Variants in IRX1 observed in about 807,000 individuals in gnomAD.
IRX1 encodes the protein iroquois-class homeodomain protein IRX-1.
IRX1 carries 22 observed loss-of-function variants against 34.1 expected under a neutral mutation model. That is an observed-to-expected ratio of 0.64 (90% CI 0.46 to 0.92). The LOEUF is 0.92. IRX1 is among the 40% of genes least tolerant of loss of function. The pLI, the probability that IRX1 is intolerant of heterozygous loss-of-function variation, is 0.00. For synonymous variants in IRX1, 363 were observed against 319.0 expected (o/e 1.14, Z -1.47); for missense variants, 758 against 680.0 (o/e 1.11, Z -1.28).
rs828339 is a variant in IRX1 at position 3,599,135 on chromosome 5, G to A, written c.277-90G>A. 30,693 of 1,362,262 alleles carry A rather than the reference G, an allele frequency of 0.023. 1,652 individuals carry two copies. The highest frequency in any genetic ancestry group is 0.17 in the East Asian group (6,963 of 41,086). 84.4% of individuals were successfully genotyped at this position (1,362,262 alleles called of 1,614,324 possible). On this transcript the variant is annotated intron_variant, in intron 1 of 3. Transcript: ENST00000302006. The surrounding 1 kb of genome is among the most constrained non-coding windows in gnomAD (Gnocchi z 6.6). ...TGAAGCGGCTGCTTCCCACTCTCCCGTCTTGGGGACTCATGTCTCTCTCTC... is the reference window on the plus strand; with the variant it reads ...TGAAGCGGCTGCTTCCCACTCTCCCATCTTGGGGACTCATGTCTCTCTCTC...
chr5:3,600,605 G>C lies in IRX1; in HGVS notation c.1313-4G>C. Reference sequence around the variant, plus strand: ...CTAACTCTGCCTCTTCCGATCTCTCGCAGAGAGAGACCTCGTCCCCAGGCC... The same window carrying C: ...CTAACTCTGCCTCTTCCGATCTCTCCCAGAGAGAGACCTCGTCCCCAGGCC... On this transcript the variant is annotated splice_polypyrimidine_tract_variant and splice_region_variant and intron_variant, in intron 2 of 3. Coordinates refer to ENST00000302006, the MANE Select transcript of IRX1 (RefSeq NM_024337.4). 1 of 1,612,150 alleles carries C rather than the reference G, an allele frequency of 6.2e-7. No homozygotes were observed. The highest frequency in any genetic ancestry group is 8.5e-7 in the Non-Finnish European group (1 of 1,178,558).
chr5:3,598,031 G>C (rs1733833826), intron 1 of IRX1, among the ~76,000 whole-genome samples: 1 of 152,098 alleles, frequency 6.6e-6, no homozygotes, highest in Non-Finnish European at 1.5e-5. Flanking sequence ...CCCACCTAGA[G>C]GGATAATATG....
Position 3,596,643 on chromosome 5 carries a change from G to A in IRX1, c.276+262G>A, listed in dbSNP as rs75780980. ...AGGGAGCGGGTAGCGAGTGAATTCA[G>A]AGAGGCCGCAGAAGCAGGCCCGTGG... On this transcript the variant is annotated intron_variant, in intron 1 of 3. Transcript: ENST00000302006. Among the ~76,000 whole-genome samples the A allele has an allele frequency of 1.5e-4, 23 of 152,058 alleles. 1 individual carries two copies. The East Asian group carries it at 4.3e-3, about 28-fold the overall frequency.
Position 3,596,365 on chromosome 5 carries a change from G to A in IRX1, c.260G>A (p.Ser87Asn). The A allele has an allele frequency of 6.5e-7, 1 of 1,538,416 alleles. No homozygotes were observed. The highest frequency in any genetic ancestry group is 8.7e-7 in the Non-Finnish European group (1 of 1,146,852). Residue 87 changes from serine to asparagine, a missense_variant, in exon 1 of 4, where the codon AGC becomes AAC. Ser to Asn is a conservative substitution (Grantham distance 46). This residue lies in a region of IRX1 where 195 missense variants were observed against 195.0 expected (regional missense o/e 1.00). Coordinates refer to ENST00000302006, the MANE Select transcript of IRX1 (RefSeq NM_024337.4). ...TTCCTGCCCTACGCCGCGGATCTCAGCCTCTTCTCGCAGATGGTGAGTGCG... is the reference window on the plus strand; with the variant it reads ...TTCCTGCCCTACGCCGCGGATCTCAACCTCTTCTCGCAGATGGTGAGTGCG... ...SAFLPYAADL[S>N]LFSQMGSQYE...
chr5:3,600,793 T>G (rs1051191456), intron 3 of IRX1, 112 bp downstream of exon 3: 1 of 1,176,218 alleles, frequency 8.5e-7, no homozygotes, highest in East Asian at 2.5e-5. Flanking sequence ...GCAGTCCTAG[T>G]TGAAGGAGCG....
rs1733879117 is a variant in IRX1, at chr5:3,599,235, A to G, written c.287A>G (p.Tyr96Cys). The G allele has an allele frequency of 6.2e-7, 1 of 1,612,658 alleles. No homozygotes were observed. The highest frequency in any genetic ancestry group is 8.5e-7 in the Non-Finnish European group (1 of 1,179,284). ...LSLFSQMGSQ[Y>C]ELKDNPGVHP... is the part of the protein sequence containing the mutation. ...GCCCTGTGGCTTCAGGGCTCGCAGT[A>G]TGAACTGAAGGACAACCCTGGGGTG... The change falls in exon 2 of 4, where the codon TAT becomes TGT. Residue 96 changes from tyrosine (Y) to cysteine (C), a missense_variant. By Grantham distance (194) the Tyr-to-Cys change is radical (BLOSUM62 -2). Around this residue, in one of 3 missense-constraint regions of IRX1, gnomAD observed 195 missense variants for 195.0 expected, o/e 1.00. Coordinates refer to ENST00000302006, the MANE Select transcript of IRX1 (RefSeq NM_024337.4). The surrounding 1 kb of genome is among the most constrained non-coding windows in gnomAD (Gnocchi z 6.6).
intron 2 of IRX1, 104 bp from the exon 3 acceptor site, chr5:3,600,505 C>T (rs1458277549): frequency 4.6e-6 from 5 of 1,096,046 alleles, no homozygotes; most frequent in African/African-American, 1.6e-5. Flanking sequence ...TGACGTTTTT[C>T]GGCGAATCTG....
chr5:3,597,706 T>C (rs1463961973), intron 1 of IRX1, among the ~76,000 whole-genome samples: 1 of 152,216 alleles, frequency 6.6e-6, no homozygotes, highest in East Asian at 1.9e-4. Flanking sequence ...GCAAAGTACA[T>C]TTTGGAACGA....
intron 2 of IRX1, 81 bp from the exon 3 acceptor site, chr5:3,600,528 G>A: frequency 7.6e-7 from 1 of 1,318,310 alleles, no homozygotes; most frequent in Non-Finnish European, 1.1e-6. Flanking sequence ...TGGGCAGCCG[G>A]CAGAAGTTGG....
Position 3,596,198 on chromosome 5 carries a change from C to G in IRX1, c.93C>G (p.Ala31=). 1 of 1,039,152 alleles carries G rather than the reference C, an allele frequency of 9.6e-7. No homozygotes were observed. Among genetic ancestry groups the G allele is most frequent in the South Asian group, 4.4e-5 (1 of 22,568 alleles). The allele number at this position is 1,039,152 out of a possible 1,614,324, so 64.4% of individuals were successfully genotyped here. A position where few individuals can be genotyped will look rare whatever the true frequency, so the allele number is the denominator to read the frequency against. ...AGCGCCCGGGGGTGCTGGCCGCGGC[C>G]GCTGCGGCGGCTGCCGCCGCCTCGT... is the stretch of plus-strand genomic sequence containing the variant. ...GGERPGVLAA[A]AAAAAAASSG... is the part of the protein sequence containing the mutation. Residue 31 remains alanine (A), a synonymous_variant, in exon 1 of 4, where the codon GCC becomes GCG. Coordinates refer to ENST00000302006, the MANE Select transcript of IRX1 (RefSeq NM_024337.4).
At position 3,599,594 on chromosome 5, in the gene IRX1, A is replaced by G. The variant is rs756507784; in HGVS notation, c.646A>G (p.Lys216Glu). Residue 216 changes from lysine (K) to glutamate (E), a missense_variant, in exon 2 of 4, where the codon AAG (lysine) becomes GAG (glutamate). By Grantham distance (56) the Lys-to-Glu change is moderately conservative. Coordinates refer to ENST00000302006, the MANE Select transcript of IRX1 (RefSeq NM_024337.4). The surrounding 1 kb of genome is among the most constrained non-coding windows in gnomAD (Gnocchi z 6.6). ...CAGCGACACCGAGGGCGACCCGGAG[A>G]AGGCCGAGGACGACGAGGAGATCGA... is the stretch of plus-strand genomic sequence containing the variant. ...FGSDTEGDPEKAEDDEEIDLE... is the reference protein window; with the variant it reads ...FGSDTEGDPEEAEDDEEIDLE... 6.2e-7 allele frequency: 1 copy of G among 1,614,052 alleles called. No homozygotes were observed. The highest frequency in any genetic ancestry group is 8.5e-7 in the Non-Finnish European group (1 of 1,180,018).
In IRX1 at chr5:3,600,048, A is replaced by T. The variant is rs1020379883; in HGVS notation, c.1100A>T (p.His367Leu). ...FLPSHGLYTC[H>L]IGKFSNWTNS... is the part of the protein sequence containing the mutation. ...CCTAGCCACGGACTGTACACCTGCC[A>T]CATCGGCAAGTTCTCCAACTGGACC... The change falls in exon 2 of 4, where the codon CAC becomes CTC. Residue 367 changes from histidine (H) to leucine (L), a missense_variant. By Grantham distance (99) the His-to-Leu change is moderately conservative. This residue lies in a region of IRX1 where 529 missense variants were observed against 418.8 expected (regional missense o/e 1.26). Coordinates refer to ENST00000302006, the MANE Select transcript of IRX1 (RefSeq NM_024337.4). 1.2e-6 allele frequency: 2 copies of T among 1,603,168 alleles called. No individual in the cohort carries two copies. Among genetic ancestry groups the T allele is most frequent in the Admixed American group, 3.4e-5 (2 of 59,316 alleles).
chr5:3,600,345 G>A (rs1160698923), intron 2 of IRX1, 85 bp downstream of exon 2: 29 of 1,309,372 alleles, frequency 2.2e-5, no homozygotes, highest in Non-Finnish European at 3.0e-5. Context: ...TGCAGCATGA[G>A]CCGGGAGGGT....
At chr5:3,597,131 A>T (rs191973074) in intron 1 of IRX1, among the ~76,000 whole-genome samples, 36 of 152,338 alleles carry the variant, frequency 2.4e-4, no homozygotes, top group Admixed American at 6.5e-4. Flanking sequence ...ATAATGGAGG[A>T]TTAAAGAAAA....
At chr5:3,600,334 G>T in intron 2 of IRX1, 74 bp downstream of exon 2, 2 of 1,374,598 alleles carry the variant, frequency 1.5e-6, no homozygotes, top group Non-Finnish European at 9.7e-7. Flanking sequence ...GTAGCGTGGG[G>T]TGCAGCATGA....
At position 3,601,117 on chromosome 5, in the gene IRX1, C is replaced by A; in HGVS notation, c.*77C>A. On this transcript the variant is annotated 3_prime_UTR_variant, in exon 4 of 4. Transcript: ENST00000302006. ...GGAGGGAATGTGGGAGGAATTAAGA[C>A]AAATATTTCAGACTGGTGTAAAGGA... 7.7e-7 allele frequency: 1 copy of A among 1,290,812 alleles called. No homozygotes were observed. Among genetic ancestry groups the A allele is most frequent in the South Asian group, 1.2e-5 (1 of 82,010 alleles). The allele number at this position is 1,290,812 out of a possible 1,614,324, so 80.0% of individuals were successfully genotyped here.
rs762414501 is a variant in IRX1 at position 3,599,675 on chromosome 5, G to A, written c.727G>A (p.Glu243Lys). The change falls in exon 2 of 4, where the codon GAG becomes AAG. Residue 243 changes from glutamate (E) to lysine (K), a missense_variant. Transcript: ENST00000302006. The surrounding 1 kb of genome is among the most constrained non-coding windows in gnomAD (Gnocchi z 6.6). ...IDEHDGDQSN[E>K]DDEDKAEAPH... is the part of the protein sequence containing the mutation. ...CGAGCACGATGGCGACCAGAGCAAC[G>A]AGGATGACGAGGACAAGGCCGAGGC... is the stretch of plus-strand genomic sequence containing the variant. 1.9e-6 allele frequency: 3 copies of A among 1,613,538 alleles called. No individual in the cohort carries two copies. Among genetic ancestry groups the A allele is most frequent in the South Asian group, 1.1e-5 (1 of 91,080 alleles).
Position 3,601,063 on chromosome 5 carries a change from G to T in IRX1, c.*23G>T. 1 of 1,608,034 alleles carries T rather than the reference G, an allele frequency of 6.2e-7. No homozygotes were observed. The highest frequency in any genetic ancestry group is 1.3e-5 in the African/African-American group (1 of 74,880). On this transcript the variant is annotated 3_prime_UTR_variant, in exon 4 of 4. Transcript: ENST00000302006. ...TGATTAAGGGTCTTCTTTTACTTTT[G>T]CGGGGGGGAGGGGGGAGGAGTTGGG...
At position 3,600,146 on chromosome 5, in the gene IRX1, G is replaced by A. The variant is rs1733924996; in HGVS notation, c.1198G>A (p.Ala400Thr). 2.5e-6 allele frequency: 4 copies of A among 1,612,988 alleles called. No homozygotes were observed. The highest frequency in any genetic ancestry group is 1.7e-5 in the Admixed American group (1 of 59,996). Residue 400 changes from alanine (A) to threonine (T), a missense_variant, in exon 2 of 4, where the codon GCG becomes ACG. By Grantham distance (58) the Ala-to-Thr change is moderately conservative (BLOSUM62 0). Coordinates refer to ENST00000302006, the MANE Select transcript of IRX1 (RefSeq NM_024337.4). ...SFLGVGAPHA[A>T]PHGPHLPAPP... ...CCTGGGCGTTGGCGCTCCCCACGCCGCGCCCCATGGCCCTCACCTTCCTGC... is the reference window on the plus strand; with the variant it reads ...CCTGGGCGTTGGCGCTCCCCACGCCACGCCCCATGGCCCTCACCTTCCTGC...
Sources: gnomAD v4.1 joint callset for allele counts (sites outside exome capture counted in the v4.1 genomes callset) on GRCh38, gnomAD v4.1.1 for gene constraint, gnomAD v4.1.1 regional missense constraint, Gnocchi (gnomAD v3.1) non-coding constraint, MANE v1.5 for transcripts, NCBI Gene and HGNC (gene_info 2026-07-23, HGNC 2026-07-21) for gene names.